CSMD1: variants seen among roughly 807,000 people sequenced by gnomAD.
The protein encoded by CSMD1 is CUB and Sushi multiple domains 1, also known as CUB and sushi domain-containing protein 1.
In CSMD1, 213 loss-of-function variants were observed where a neutral mutation model predicts 417.5. The ratio of observed to expected loss-of-function variants is 0.51; its 90% confidence interval spans 0.46 to 0.57. The LOEUF (loss-of-function observed/expected upper bound fraction) is 0.57. Among genes scored for constraint, CSMD1 ranks in the 20% least tolerant of loss-of-function variants. The pLI, the probability that CSMD1 is intolerant of heterozygous loss-of-function variation, is 0.00. For synonymous variants in CSMD1, 2,862 were observed against 1,736.8 expected (o/e 1.65, Z -16.11); for missense variants, 6,923 against 4,529.7 (o/e 1.53, Z -15.17).
intron 3 of CSMD1, among the ~76,000 whole-genome samples, chr8:4,416,683 T>C (rs1158615649): frequency 6.6e-6 from 1 of 152,126 alleles, no homozygotes; most frequent in Non-Finnish European, 1.5e-5. Context: ...AATTTTTAGA[T>C]GACCGTGTAT....
chr8:4,379,695 C>T (rs373560353), intron 3 of CSMD1, among the ~76,000 whole-genome samples: 4,029 of 59,254 alleles, frequency 0.068, 183 homozygotes, highest in African/African-American at 0.15. Flanking sequence ...GGCAATGAAG[C>T]AACAATGGCG....
intron 1 of CSMD1, among the ~76,000 whole-genome samples, chr8:4,894,100 T>C (rs538572360): frequency 6.1e-4 from 93 of 152,242 alleles, no homozygotes; most frequent in Non-Finnish European, 6.0e-4. Flanking sequence ...AAAGTCTTCA[T>C]ATAGGCCTGC....
At chr8:4,074,530 A>G (rs924247886) in intron 3 of CSMD1, among the ~76,000 whole-genome samples, 1 of 152,162 alleles carries the variant, frequency 6.6e-6, no homozygotes, top group Non-Finnish European at 1.5e-5. Context: ...ATTTGAGAAC[A>G]TGAGCTACCA....
At chr8:3,966,831 A>G (rs898073598) in intron 5 of CSMD1, among the ~76,000 whole-genome samples, 1 of 152,224 alleles carries the variant, frequency 6.6e-6, no homozygotes, top group African/African-American at 2.4e-5. Flanking sequence ...ATTTTAATCA[A>G]TTCTGTACAG....
chr8:3,676,583 G>T (rs545765730), intron 7 of CSMD1, among the ~76,000 whole-genome samples: 1 of 152,008 alleles, frequency 6.6e-6, no homozygotes, highest in Non-Finnish European at 1.5e-5. Flanking sequence ...TCATATACAC[G>T]GATATATGGA....
intron 54 of CSMD1, among the ~76,000 whole-genome samples, chr8:2,993,128 A>AT (rs1234106356): frequency 1.3e-5 from 2 of 152,200 alleles, no homozygotes; most frequent in Admixed American, 6.5e-5. Flanking sequence ...CCCAAAGCAG[A>AT]TTTTTTTTAC....
intron 2 of CSMD1, among the ~76,000 whole-genome samples, chr8:4,570,840 G>A (rs1024012177): frequency 6.6e-5 from 10 of 152,184 alleles, no homozygotes; most frequent in African/African-American, 2.2e-4. Flanking sequence ...GGTCTATTTC[G>A]GGATTCGGCT....
intron 3 of CSMD1, among the ~76,000 whole-genome samples, chr8:4,356,694 G>A (rs879517977): frequency 1.3e-5 from 2 of 152,028 alleles, no homozygotes; most frequent in Non-Finnish European, 2.9e-5. Context: ...CATGTGTTTT[G>A]TCCTTCTCAC....
At chr8:3,771,323 G>C (rs146506794) in intron 5 of CSMD1, among the ~76,000 whole-genome samples, 1,913 of 152,226 alleles carry the variant, frequency 0.013, 15 homozygotes, top group South Asian at 0.025. Flanking sequence ...TACTCTCAGG[G>C]ATAACAGACA....
At chr8:4,940,711 G>A (rs1304545470) in intron 1 of CSMD1, among the ~76,000 whole-genome samples, 1 of 152,190 alleles carries the variant, frequency 6.6e-6, no homozygotes, top group Admixed American at 6.5e-5. Flanking sequence ...ATTAAAATAT[G>A]CATGTTTTGC....
intron 5 of CSMD1, among the ~76,000 whole-genome samples, chr8:3,782,840 C>G (rs181857145): frequency 7.2e-5 from 11 of 152,184 alleles, no homozygotes; most frequent in Admixed American, 2.0e-4. Flanking sequence ...ACTTATGGAG[C>G]GACTTTCTTG....
chr8:3,735,447 A>G (rs368282691), intron 6 of CSMD1, among the ~76,000 whole-genome samples: 1 of 152,244 alleles, frequency 6.6e-6, no homozygotes, highest in Non-Finnish European at 1.5e-5. Context: ...AAATGCAGGT[A>G]TTAGGCAAAA....
chr8:4,682,856 C>G (rs1806134089), intron 1 of CSMD1, among the ~76,000 whole-genome samples: 1 of 150,064 alleles, frequency 6.7e-6, no homozygotes. Context: ...TATCCAAAGA[C>G]TACTAAATAG....
rs1799291643 is a variant in CSMD1, at chr8:4,195,641, A to T, written c.416-163542T>A. Among the ~76,000 whole-genome samples the T allele has an allele frequency of 2.0e-5, 3 of 152,182 alleles. No homozygotes were observed. The South Asian group carries it at 6.2e-4, about 31-fold the overall frequency. On this transcript the variant is annotated intron_variant, in intron 3 of 69. Coordinates refer to ENST00000635120, the MANE Select transcript of CSMD1 (RefSeq NM_033225.6). ...GGCTGCATCTTGCCTGGATGGAGTT[A>T]TCGATGCTCCTTCTAGGCATGATGA...
chr8:3,106,555 A>T lies in CSMD1; in HGVS notation c.6922T>A (p.Phe2308Ile), dbSNP rs1468720056. 6.2e-7 allele frequency: 1 copy of T among 1,613,736 alleles called. No homozygotes were observed. The highest frequency in any genetic ancestry group is 1.1e-5 in the South Asian group (1 of 91,046). Residue 2308 changes from phenylalanine (F) to isoleucine (I), a missense_variant, in exon 46 of 70, where the codon TTT becomes ATT. Coordinates refer to ENST00000635120, the MANE Select transcript of CSMD1 (RefSeq NM_033225.6). ...LTCKLSSQLQ[F>I]EGSLPTCEAQ... ...TCACATGTTGGGAGAGAACCCTCAA[A>T]CTGCAACTGGGAACTGAGCTTGCAA... is the stretch of plus-strand genomic sequence containing the variant.
chr8:3,343,368 G>A lies in CSMD1; in HGVS notation c.3557C>T (p.Thr1186Ile). The A allele has an allele frequency of 6.2e-7, 1 of 1,613,746 alleles. No individual in the cohort carries two copies. The highest frequency in any genetic ancestry group is 8.5e-7 in the Non-Finnish European group (1 of 1,179,696). Reference protein sequence around the residue: ...NELLGLILNSTSNHLWLEFNT... With the variant: ...NELLGLILNSISNHLWLEFNT... ...GAACTCTAGCCACAGGTGATTGGAT[G>A]TGCTGTTTAGGATCAGCCCCAGAAG... The change falls in exon 23 of 70, where the codon ACA (threonine) becomes ATA (isoleucine). Residue 1186 changes from threonine to isoleucine, a missense_variant. Physicochemically the swap from Thr to Ile is moderately conservative, Grantham distance 89. Transcript: ENST00000635120.
intron 12 of CSMD1, among the ~76,000 whole-genome samples, chr8:3,466,023 C>T (rs564631485): frequency 6.6e-6 from 1 of 152,164 alleles, no homozygotes; most frequent in Non-Finnish European, 1.5e-5. Flanking sequence ...TCTTACTGTG[C>T]ACACTATTAT....
chr8:3,440,578 C>T (rs1814911295), intron 12 of CSMD1, among the ~76,000 whole-genome samples: 1 of 152,122 alleles, frequency 6.6e-6, no homozygotes, highest in African/African-American at 2.4e-5. Flanking sequence ...TCTAGACGAT[C>T]ACGTTACTTG....
At chr8:3,910,759 T>C (rs888825686) in intron 5 of CSMD1, among the ~76,000 whole-genome samples, 13 of 152,308 alleles carry the variant, frequency 8.5e-5, no homozygotes, top group South Asian at 4.2e-4. Context: ...TCTTTAGAGA[T>C]TGTAGTGCCT....
Sources: gnomAD v4.1 joint callset for allele counts (sites outside exome capture counted in the v4.1 genomes callset) on GRCh38, gnomAD v4.1.1 for gene constraint, MANE v1.5 for transcripts, NCBI Gene and HGNC (gene_info 2026-07-23, HGNC 2026-07-21) for gene names.